Variants in SGK2 observed in about 807,000 individuals in gnomAD.
The protein encoded by SGK2 is serum/glucocorticoid regulated kinase 2.
A neutral mutation model predicts 47.5 loss-of-function variants in SGK2; 36 were observed. The observed-to-expected ratio is 0.76, with a 90% CI of 0.58 to 1.00. The LOEUF (loss-of-function observed/expected upper bound fraction) is 1.00. Among genes scored for constraint, SGK2 ranks in the 50% least tolerant of loss-of-function variants. The probability of loss-of-function intolerance (pLI) is 0.00; values close to 1 mark genes in which losing one functional copy is unlikely to be tolerated. For synonymous variants in SGK2, 157 were observed against 181.9 expected (o/e 0.86, Z 1.10); for missense variants, 404 against 467.4 (o/e 0.86, Z 1.25).
At chr20:43,567,539 G>T in intron 3 of SGK2, 126 bp from the exon 4 acceptor site, 1 of 819,772 alleles carries the variant, frequency 1.2e-6, no homozygotes, top group South Asian at 1.6e-5. Flanking sequence ...GGGTGAGGAG[G>T]CATGGCTCCT....
chr20:43,583,508 T>C (rs1047527576), intron 12 of SGK2: 59 of 1,150,152 alleles, frequency 5.1e-5, no homozygotes, highest in Non-Finnish European at 6.0e-5. Context: ...AGCTAGAAAC[T>C]GTGATCTGTT....
chr20:43,568,185 T>C (rs6093855), intron 5 of SGK2, among the ~76,000 whole-genome samples, 186 bp downstream of exon 5: 62,832 of 151,932 alleles, frequency 0.41, 14,658 homozygotes, highest in African/African-American at 0.63. Context: ...GGCCAAGCCA[T>C]CTCACCACAG....
At chr20:43,567,038 T>A in intron 2 of SGK2, 30 bp from the exon 3 acceptor site, 1 of 1,602,484 alleles carries the variant, frequency 6.2e-7, no homozygotes, top group Non-Finnish European at 8.5e-7. Flanking sequence ...GGAGTAGGGA[T>A]CTGCTGATCA....
chr20:43,568,537 C>G (rs927380983), intron 5 of SGK2, among the ~76,000 whole-genome samples: 1 of 152,014 alleles, frequency 6.6e-6, no homozygotes, highest in Non-Finnish European at 1.5e-5. Flanking sequence ...GGCTGGAGTG[C>G]AATGGCACCA....
chr20:43,583,109 T>C, intron 12 of SGK2: 1 of 1,138,176 alleles, frequency 8.8e-7, no homozygotes, highest in Non-Finnish European at 1.2e-6. Flanking sequence ...CTGCCAATGT[T>C]AATTCACCAT....
rs1219993647 is a variant in SGK2 at position 43,571,079 on chromosome 20, G to A, written c.510+19G>A. On this transcript the variant is annotated intron_variant, in intron 8 of 12. Transcript: ENST00000373100. Reference sequence around the variant, plus strand: ...CTGCCAGGTTGGTGTGTGTGTGTGTGTGTGTGTGTGTGTGTGTGTGTGTAT... The same window carrying A: ...CTGCCAGGTTGGTGTGTGTGTGTGTATGTGTGTGTGTGTGTGTGTGTGTAT... 6.2e-7 allele frequency: 1 copy of A among 1,605,414 alleles called. No homozygotes were observed. The highest frequency in any genetic ancestry group is 1.7e-5 in the Admixed American group (1 of 59,948).
At chr20:43,576,154 C>A in intron 10 of SGK2, 70 bp from the exon 11 acceptor site, 1 of 1,574,942 alleles carries the variant, frequency 6.3e-7, no homozygotes, top group Non-Finnish European at 8.7e-7. Context: ...GCCCACCTTG[C>A]TCCAAGTCTC....
intron 1 of SGK2, among the ~76,000 whole-genome samples, chr20:43,559,825 C>G (rs1286299277): frequency 1.3e-5 from 2 of 152,082 alleles, no homozygotes; most frequent in Non-Finnish European, 2.9e-5. Flanking sequence ...ACCCCCACAC[C>G]CCATTTGGCA....
chr20:43,569,286 G>A (rs1979949087), intron 5 of SGK2, 99 bp from the exon 6 acceptor site: 4 of 1,481,588 alleles, frequency 2.7e-6, no homozygotes, highest in South Asian at 2.5e-5. Flanking sequence ...GAAAGTCCTG[G>A]GTAGGATGAC....
chr20:43,568,015 C>T lies in SGK2; in HGVS notation c.228+16C>T. ...GAAGAAAGAGGTACCAGAGCTCGGG[C>T]ACAGGCATTTCTTCTTCTGCTTCTC... On this transcript the variant is annotated intron_variant, in intron 5 of 12. Coordinates refer to ENST00000373100, the MANE Select transcript of SGK2 (RefSeq NM_170693.3). 1.2e-6 allele frequency: 2 copies of T among 1,607,328 alleles called. No homozygotes were observed. Among genetic ancestry groups the T allele is most frequent in the East Asian group, 2.2e-5 (1 of 44,850 alleles).
intron 12 of SGK2, chr20:43,583,308 G>C: frequency 1.6e-6 from 2 of 1,289,182 alleles, no homozygotes; most frequent in Non-Finnish European, 2.0e-6. Flanking sequence ...GAGATGAATG[G>C]ACTTTAGAAT....
chr20:43,576,082 T>C (rs1980441169), intron 10 of SGK2, 142 bp from the exon 11 acceptor site: 1 of 943,120 alleles, frequency 1.1e-6, no homozygotes, highest in Non-Finnish European at 1.6e-6. Flanking sequence ...GAGTCCTGTC[T>C]CTTTCCAGTC....
At chr20:43,571,616 C>A (rs550504013) in intron 8 of SGK2, among the ~76,000 whole-genome samples, 1 of 152,052 alleles carries the variant, frequency 6.6e-6, no homozygotes, top group Non-Finnish European at 1.5e-5. Flanking sequence ...ACTTTGGGTG[C>A]GGGCAATGTT....
At chr20:43,584,548 G>T (rs1980987651) in intron 12 of SGK2, among the ~76,000 whole-genome samples, 1 of 152,162 alleles carries the variant, frequency 6.6e-6, no homozygotes, top group Admixed American at 6.5e-5. Flanking sequence ...TAAGCTCCAT[G>T]AATGCAGGGG....
chr20:43,571,690 A>T (rs148447315), intron 8 of SGK2, among the ~76,000 whole-genome samples: 1 of 152,328 alleles, frequency 6.6e-6, no homozygotes, highest in African/African-American at 2.4e-5. Context: ...AGAGGGATCC[A>T]GGCAGAACCC....
At position 43,569,508 on chromosome 20, in the gene SGK2, G is replaced by T. The variant is rs372059009; in HGVS notation, c.352G>T (p.Gly118Trp). 2.5e-5 allele frequency: 41 copies of T among 1,612,726 alleles called. No individual in the cohort carries two copies. The highest frequency in any genetic ancestry group is 3.3e-5 in the Non-Finnish European group (39 of 1,179,992). ...CTACTTCGTGCTCGACTATGTCAAC[G>T]GGGGAGAGGTGGGTGGGCCCACAGG... Reference protein sequence around the residue: ...KLYFVLDYVNGGELFFHLQRE... With the variant: ...KLYFVLDYVNWGELFFHLQRE... Residue 118 changes from glycine to tryptophan, a missense_variant, in exon 6 of 13, where the codon GGG (glycine) becomes TGG (tryptophan). Physicochemically the swap from Gly to Trp is radical, Grantham distance 184. Coordinates refer to ENST00000373100, the MANE Select transcript of SGK2 (RefSeq NM_170693.3).
In SGK2 at chr20:43,569,507, C is replaced by T. The variant is rs143273559; in HGVS notation, c.351C>T (p.Asn117=). The part of the protein sequence containing the change: ...EKLYFVLDYV[N]GGELFFHLQR... ...TCTACTTCGTGCTCGACTATGTCAA[C>T]GGGGGAGAGGTGGGTGGGCCCACAG... Residue 117 remains asparagine, a synonymous_variant, in exon 6 of 13, where the codon AAC becomes AAT. Transcript: ENST00000373100. 8.2e-5 allele frequency: 132 copies of T among 1,612,368 alleles called. 1 individual carries two copies. Among genetic ancestry groups the T allele is most frequent in the South Asian group, 5.5e-4 (50 of 91,056 alleles).
intron 5 of SGK2, among the ~76,000 whole-genome samples, chr20:43,568,701 C>T (rs1979898847): frequency 6.6e-6 from 1 of 150,674 alleles, no homozygotes; most frequent in African/African-American, 2.4e-5. Flanking sequence ...AGGCTCCTGG[C>T]CTCAAGAGAT....
At chr20:43,561,330 G>C (rs1227197479) in intron 1 of SGK2, among the ~76,000 whole-genome samples, 1 of 151,922 alleles carries the variant, frequency 6.6e-6, no homozygotes, top group Non-Finnish European at 1.5e-5. Flanking sequence ...CCAAGGAGGA[G>C]ATGGAGACAG....
Sources: gnomAD v4.1 joint callset for allele counts (sites outside exome capture counted in the v4.1 genomes callset) on GRCh38, gnomAD v4.1.1 for gene constraint, MANE v1.5 for transcripts, NCBI Gene and HGNC (gene_info 2026-07-23, HGNC 2026-07-21) for gene names.